The following EDA2R variants were observed in gnomAD, a reference collection of about 807,000 sequenced individuals.
EDA2R encodes the protein ectodysplasin A2 receptor, also known as tumor necrosis factor receptor superfamily member 27.
In EDA2R, 26 loss-of-function variants were observed where a neutral mutation model predicts 20.1. The ratio of observed to expected loss-of-function variants is 1.30; its 90% CI spans 0.95 to 1.80. The LOEUF (loss-of-function observed/expected upper bound fraction) is 1.80, where lower values mean the gene tolerates loss of function less well. EDA2R is among the 40% of genes most tolerant of loss of function. The probability of loss-of-function intolerance (pLI) is 0.00; values close to 1 mark genes in which losing one functional copy is unlikely to be tolerated. For missense variants in EDA2R, 277 were observed against 228.7 expected (o/e 1.21, Z -1.36); for synonymous variants, 114 against 88.7 (o/e 1.29, Z -1.60).
chrX:66,619,991 C>T (rs2147873081), intron 1 of EDA2R, among the ~76,000 whole-genome samples: 1 of 111,536 alleles, frequency 9.0e-6, no homozygotes, highest in African/African-American at 3.3e-5. Context: ...CTCCCTCACG[C>T]CCCTTCCCAG....
intron 1 of EDA2R, among the ~76,000 whole-genome samples, chrX:66,634,988 T>C (rs190859761): frequency 1.8e-5 from 2 of 112,149 alleles, no homozygotes; most frequent in Non-Finnish European, 3.8e-5. Context: ...AAGTAGGACA[T>C]CTCAGTGTCT....
intron 2 of EDA2R, among the ~76,000 whole-genome samples, chrX:66,607,703 A>G (rs1402809940): frequency 1.8e-5 from 2 of 111,984 alleles, no homozygotes; most frequent in Non-Finnish European, 3.8e-5. Flanking sequence ...TAGAAAACAA[A>G]CAAACAAAAC....
chrX:66,620,809 A>G (rs1932468052), intron 1 of EDA2R, among the ~76,000 whole-genome samples: 1 of 109,855 alleles, frequency 9.1e-6, no homozygotes, highest in African/African-American at 3.3e-5. Flanking sequence ...CAACTCAAAA[A>G]AAGATAGATA....
intron 1 of EDA2R, among the ~76,000 whole-genome samples, chrX:66,628,735 G>A (rs188709406): frequency 0.018 from 1,914 of 109,248 alleles, 21 homozygotes; most frequent in Non-Finnish European, 0.028. Flanking sequence ...GGATCAGATG[G>A]ATTCACAACT....
chrX:66,625,601 G>T (rs1932994676), intron 1 of EDA2R, among the ~76,000 whole-genome samples: 1 of 111,189 alleles, frequency 9.0e-6, no homozygotes, highest in South Asian at 3.8e-4. Context: ...GAAGACAAAG[G>T]GCATATACTC....
intron 2 of EDA2R, among the ~76,000 whole-genome samples, chrX:66,606,779 G>A (rs1022376314): frequency 6.2e-5 from 7 of 112,187 alleles, no homozygotes; most frequent in Non-Finnish European, 1.3e-4. Flanking sequence ...TGAGACCTCA[G>A]TACCTGATTC....
Position 66,597,943 on chromosome X carries a change from A to C in EDA2R, c.*161T>G. Reference sequence around the variant, plus strand: ...CAGATCAGTCCTTGTGAAATGGAGAATCAATCCTCTGGTGGGATGGGATAG... The same window carrying C: ...CAGATCAGTCCTTGTGAAATGGAGACTCAATCCTCTGGTGGGATGGGATAG... On this transcript the variant is annotated 3_prime_UTR_variant, in exon 7 of 7. Coordinates refer to ENST00000374719, the MANE Select transcript of EDA2R (RefSeq NM_021783.5). 1 of 726,481 alleles carries C rather than the reference A, an allele frequency of 1.4e-6. No individual in the cohort carries two copies. Among genetic ancestry groups the C allele is most frequent in the Non-Finnish European group, 1.8e-6 (1 of 559,234 alleles). 59.9% of individuals were successfully genotyped at this position (726,481 alleles called of 1,213,427 possible). A position where few individuals can be genotyped will look rare whatever the true frequency, so the allele number is the denominator to read the frequency against.
At position 66,620,104 on chromosome X, in the gene EDA2R, C is replaced by T. The variant is rs772503346; in HGVS notation, c.-10-4074G>A. On this transcript the variant is annotated intron_variant, in intron 1 of 6. Transcript: ENST00000374719. ...ACATAAATTTGAATCATACAAGATG[C>T]GCTCTTCTGTTTCTGGTTTCTCTTG... Among the ~76,000 whole-genome samples, 7 of 111,665 alleles carry T rather than the reference C, an allele frequency of 6.3e-5. No homozygotes were observed. In the East Asian group the frequency reaches 1.1e-3, roughly 18 times the overall value.
At chrX:66,617,768 G>A (rs1476488714) in intron 1 of EDA2R, among the ~76,000 whole-genome samples, 1 of 110,672 alleles carries the variant, frequency 9.0e-6, no homozygotes, top group Non-Finnish European at 1.9e-5. Context: ...TGAAACCTCT[G>A]TCTAGGCAAG....
chrX:66,628,550 A>C (rs768713556), intron 1 of EDA2R, among the ~76,000 whole-genome samples: 2 of 111,047 alleles, frequency 1.8e-5, no homozygotes, highest in African/African-American at 3.3e-5. Flanking sequence ...ATTTCAGGCT[A>C]CTATGAACAT....
chrX:66,626,050 C>T (rs1933040541), intron 1 of EDA2R, among the ~76,000 whole-genome samples: 1 of 111,176 alleles, frequency 9.0e-6, no homozygotes, highest in Admixed American at 9.6e-5. Flanking sequence ...CTGACAGAGC[C>T]TACGCAAATG....
chrX:66,619,312 G>A (rs1174537413), intron 1 of EDA2R, among the ~76,000 whole-genome samples: 2 of 112,414 alleles, frequency 1.8e-5, no homozygotes, highest in Non-Finnish European at 3.8e-5. Flanking sequence ...CTAAGTGTTT[G>A]CTGGATTTTT....
intron 5 of EDA2R, 162 bp from the exon 6 acceptor site, chrX:66,600,022 T>C (rs752663902): frequency 1.5e-5 from 17 of 1,153,384 alleles, no homozygotes; most frequent in South Asian, 3.9e-5. Flanking sequence ...GGTGACACAG[T>C]TGAGAAACAT....
rs769780474 is a variant in EDA2R at position 66,602,362 on chromosome X, G to A, written c.517+271C>T. 2.0e-4 allele frequency among the ~76,000 whole-genome samples: 22 copies of A among 110,915 alleles called. No homozygotes were observed. The East Asian group carries it at 6.0e-3, about 30-fold the overall frequency. On this transcript the variant is annotated intron_variant, in intron 5 of 6. Transcript: ENST00000374719. The stretch of plus-strand genomic sequence containing the variant: ...CTAGGTCTCCCGATTCCTTTCCTGA[G>A]GGGTTTCCCACCGTGCCACATTCCT...
chrX:66,601,275 C>T lies in EDA2R; in HGVS notation c.517+1358G>A, dbSNP rs375643268. On this transcript the variant is annotated intron_variant, in intron 5 of 6. Transcript: ENST00000374719. Reference sequence around the variant, plus strand: ...TCTTCTGGACCCTGGAGTCCAAATGCTTCATTGCTCATGTTTCATGTCCAT... The same window carrying T: ...TCTTCTGGACCCTGGAGTCCAAATGTTTCATTGCTCATGTTTCATGTCCAT... Among the ~76,000 whole-genome samples the T allele has an allele frequency of 9.8e-5, 11 of 111,875 alleles. No individual in the cohort carries two copies. The East Asian group carries it at 3.1e-3, about 32-fold the overall frequency.
chrX:66,602,750 G>T lies in EDA2R; in HGVS notation c.400C>A (p.Pro134Thr), dbSNP rs200503724. The T allele has an allele frequency of 2.5e-6, 3 of 1,196,613 alleles. No individual in the cohort carries two copies. The highest frequency in any genetic ancestry group is 3.0e-5 in the East Asian group (1 of 33,143). The change falls in exon 5 of 7, where the codon CCT becomes ACT. Residue 134 changes from proline (P) to threonine (T), a missense_variant. By Grantham distance (38) the Pro-to-Thr change is conservative (BLOSUM62 -1). Transcript: ENST00000374719. ...AGTGCAACAAGTGTGGCCTCCTGAG[G>T]GGGCACTGTGGGTGTATCTGCCTCC... ...LVEADTPTVPPQEATLVALVS... is the reference protein window; with the variant it reads ...LVEADTPTVPTQEATLVALVS...
At chrX:66,626,805 G>A (rs1376536079) in intron 1 of EDA2R, among the ~76,000 whole-genome samples, 1 of 87,248 alleles carries the variant, frequency 1.1e-5, no homozygotes, top group East Asian at 4.2e-4. Flanking sequence ...GAGGGGAGGG[G>A]AGGGGAGAGG....
At chrX:66,605,816 C>G (rs1180233142) in intron 2 of EDA2R, among the ~76,000 whole-genome samples, 1 of 112,232 alleles carries the variant, frequency 8.9e-6, no homozygotes, top group African/African-American at 3.2e-5. Flanking sequence ...AAATATTTGA[C>G]AAATAGTCAT....
At chrX:66,620,751 T>G (rs1932458497) in intron 1 of EDA2R, among the ~76,000 whole-genome samples, 1 of 109,699 alleles carries the variant, frequency 9.1e-6, no homozygotes, top group Non-Finnish European at 1.9e-5. Context: ...AATTTTCATA[T>G]CACATATCTG....
Sources: allele counts gnomAD v4.1 joint callset (sites outside exome capture counted in the v4.1 genomes callset), GRCh38; gene constraint gnomAD v4.1.1; transcripts MANE v1.5; gene names NCBI Gene and HGNC (gene_info 2026-07-23, HGNC 2026-07-21).